Variants in TVP23A observed in about 807,000 individuals in gnomAD.
The protein encoded by TVP23A is Golgi apparatus membrane protein TVP23 homolog A.
In TVP23A, 21 loss-of-function variants were observed where a neutral mutation model predicts 31.7. The observed-to-expected ratio is 0.66, with a 90% confidence interval of 0.47 to 0.95. The LOEUF (loss-of-function observed/expected upper bound fraction) is 0.95, where lower values mean the gene tolerates loss of function less well. Ranked by LOEUF, TVP23A falls within the 40% of genes least tolerant of loss-of-function variation. The pLI, the probability that TVP23A is intolerant of heterozygous loss-of-function variation, is 0.00. For synonymous variants in TVP23A, 104 were observed against 96.0 expected (o/e 1.08, Z -0.49); for missense variants, 279 against 255.6 (o/e 1.09, Z -0.62).
At chr16:10,814,883 GGCCCCGATCTCCACGCAGGC>G (rs2034366291) in intron 2 of TVP23A, among the ~76,000 whole-genome samples, 1 of 150,810 alleles carries the variant, frequency 6.6e-6, no homozygotes, top group Non-Finnish European at 1.5e-5. Flanking sequence ...TGCAGGGTCT[GGCCCCGATCTCCACGCAGGC>G]CACTTCCCAG....
At chr16:10,808,742 A>G (rs1567315656) in intron 2 of TVP23A, 1 of 298,682 alleles carries the variant, frequency 3.3e-6, no homozygotes, top group Non-Finnish European at 6.7e-6. Context: ...ACACCACTGC[A>G]CTCCAGCCTG....
chr16:10,817,786 G>A (rs2034506517), intron 2 of TVP23A, among the ~76,000 whole-genome samples: 1 of 152,172 alleles, frequency 6.6e-6, no homozygotes, highest in Admixed American at 6.5e-5. Flanking sequence ...CCTCCTCAGA[G>A]AGGCCCTCCA....
intron 2 of TVP23A, among the ~76,000 whole-genome samples, chr16:10,807,234 T>C (rs899666655): frequency 1.3e-5 from 2 of 152,180 alleles, no homozygotes; most frequent in Non-Finnish European, 2.9e-5. Context: ...TGTGTGCATG[T>C]CTGTGCGTGG....
At chr16:10,758,964 A>G (rs1372043604), downstream of TVP23A, among the ~76,000 whole-genome samples, 1 of 152,164 alleles carries the variant, frequency 6.6e-6, no homozygotes, top group African/African-American at 2.4e-5. Context: ...CCATGGTGCT[A>G]TCCATCTCAG....
At chr16:10,761,167 G>A, downstream of TVP23A, 1 of 495,874 alleles carries the variant, frequency 2.0e-6, no homozygotes, top group South Asian at 2.1e-5. Context: ...GCCTGTTCCT[G>A]TAGGGATGTA....
At chr16:10,774,198 A>T (rs1395915563) in intron 3 of TVP23A, 70 bp from the exon 4 acceptor site, 36 of 1,203,520 alleles carry the variant, frequency 3.0e-5, no homozygotes, top group Non-Finnish European at 4.2e-5. Flanking sequence ...ATTGATAAAC[A>T]AAAGTTCCTT....
intron 2 of TVP23A, among the ~76,000 whole-genome samples, chr16:10,801,502 G>C (rs1348991921): frequency 6.6e-6 from 1 of 152,042 alleles, no homozygotes; most frequent in African/African-American, 2.4e-5. Context: ...TGTCACCCAG[G>C]CTGGAGTGCA....
chr16:10,793,055 G>A (rs149656824), intron 2 of TVP23A, among the ~76,000 whole-genome samples: 1,988 of 152,204 alleles, frequency 0.013, 44 homozygotes, highest in African/African-American at 0.046. Context: ...CTGGGAGGCC[G>A]AGGTGGGTGG....
At chr16:10,761,467 AGTGCAAG>A in exon 9 of TVP23A, 2 of 1,613,852 alleles carry the variant, frequency 1.2e-6, no homozygotes, top group Non-Finnish European at 1.7e-6. Context: ...ATCTGTCCTA[AGTGCAAG>A]GTGAGGGCGC....
At position 10,789,306 on chromosome 16, in the gene TVP23A, CA is replaced by C. The variant is rs1276716707; in HGVS notation, c.90-14211del. Among the ~76,000 whole-genome samples the C allele has an allele frequency of 7.9e-5, 12 of 152,184 alleles. No individual in the cohort carries two copies. In the South Asian group the frequency reaches 2.5e-3, roughly 31 times the overall value. On this transcript the variant is annotated intron_variant, in intron 2 of 7. Transcript: ENST00000299866. The stretch of plus-strand genomic sequence containing the variant: ...CTCAACAGAGTGCAGAATTCCCCCC[CA>C]AGAGACAGTTCTGTAGGCTCTTTCA...
intron 2 of TVP23A, among the ~76,000 whole-genome samples, chr16:10,776,508 A>G (rs562034541): frequency 6.6e-6 from 1 of 152,318 alleles, no homozygotes; most frequent in South Asian, 2.1e-4. Flanking sequence ...GTGGTTTCCC[A>G]GTTTAAATAG....
chr16:10,788,775 C>A (rs1830370), intron 2 of TVP23A, among the ~76,000 whole-genome samples: 16 of 152,200 alleles, frequency 1.1e-4, no homozygotes, highest in African/African-American at 3.9e-4. Flanking sequence ...GCTCAAACAG[C>A]GTATTTTTAA....
chr16:10,815,238 C>T (rs1823096515), intron 2 of TVP23A, among the ~76,000 whole-genome samples: 1 of 151,938 alleles, frequency 6.6e-6, no homozygotes, highest in African/African-American at 2.4e-5. Flanking sequence ...TCTACTAAAA[C>T]AAAACAAAAC....
intron 2 of TVP23A, among the ~76,000 whole-genome samples, chr16:10,794,860 AC>A (rs1168494632): frequency 6.6e-6 from 1 of 151,916 alleles, no homozygotes; most frequent in Non-Finnish European, 1.5e-5. Flanking sequence ...CTAGGTCCCC[AC>A]TCACTCTCAG....
chr16:10,818,409 T>C lies in TVP23A; in HGVS notation c.9+76A>G. The C allele has an allele frequency of 6.4e-7, 1 of 1,565,248 alleles. No individual in the cohort carries two copies. Among genetic ancestry groups the C allele is most frequent in the Non-Finnish European group, 8.6e-7 (1 of 1,157,902 alleles). On this transcript the variant is annotated intron_variant, in intron 1 of 7. Transcript: ENST00000299866. The surrounding 1 kb of genome is among the most constrained non-coding windows in gnomAD (Gnocchi z 4.7). ...GGCCCCGGCGCATCCCTCCTCCTCC[T>C]CCCGGCTTCTCCAGCGCTCCCGCAG...
At chr16:10,789,136 G>T (rs1414272843) in intron 2 of TVP23A, among the ~76,000 whole-genome samples, 1 of 152,124 alleles carries the variant, frequency 6.6e-6, no homozygotes, top group African/African-American at 2.4e-5. Context: ...ACAAGAGCAA[G>T]GTTTTTATAT....
At chr16:10,783,185 G>GA (rs2032529513) in intron 2 of TVP23A, among the ~76,000 whole-genome samples, 1 of 152,066 alleles carries the variant, frequency 6.6e-6, no homozygotes, top group African/African-American at 2.4e-5. Context: ...TGAACCATAC[G>GA]AATCTCCTGT....
At position 10,816,689 on chromosome 16, in the gene TVP23A, G is replaced by A. The variant is rs4377157; in HGVS notation, c.89+1414C>T. ...GTTATCCTAGATTATCTGGGTGGACGCTAAATGCCAACACAATAGTCCTTA... is the reference window on the plus strand; with the variant it reads ...GTTATCCTAGATTATCTGGGTGGACACTAAATGCCAACACAATAGTCCTTA... On this transcript the variant is annotated intron_variant, in intron 2 of 7. Transcript: ENST00000299866. Among the ~76,000 whole-genome samples, 953 of 151,780 alleles carry A rather than the reference G, an allele frequency of 6.3e-3. 5 individuals are homozygous for A. Among genetic ancestry groups the A allele is most frequent in the Non-Finnish European group, 0.011 (746 of 67,936 alleles).
rs2032103715 is a variant in TVP23A at position 10,777,375 on chromosome 16, C to T, written c.90-2279G>A. On this transcript the variant is annotated intron_variant, in intron 2 of 7. Coordinates refer to ENST00000299866, the MANE Select transcript of TVP23A (RefSeq NM_001079512.4). The surrounding 1 kb of genome is among the most constrained non-coding windows in gnomAD (Gnocchi z 4.5). Reference sequence around the variant, plus strand: ...CACTGGCCTGCGAGCAGTGAGCTTGCAACCTCTGGATTAGGTTACAAAATG... The same window carrying T: ...CACTGGCCTGCGAGCAGTGAGCTTGTAACCTCTGGATTAGGTTACAAAATG... 6.6e-6 allele frequency among the ~76,000 whole-genome samples: 1 copy of T among 152,114 alleles called. No homozygotes were observed. Among genetic ancestry groups the T allele is most frequent in the Non-Finnish European group, 1.5e-5 (1 of 68,014 alleles).
Sources: gnomAD v4.1 joint callset for allele counts (sites outside exome capture counted in the v4.1 genomes callset) on GRCh38, gnomAD v4.1.1 for gene constraint, Gnocchi (gnomAD v3.1) non-coding constraint, MANE v1.5 for transcripts, NCBI Gene and HGNC (gene_info 2026-07-23, HGNC 2026-07-21) for gene names.